Variants in SCN2B observed in about 807,000 individuals in gnomAD.
SCN2B encodes sodium voltage-gated channel beta subunit 2.
In SCN2B, 14 loss-of-function variants were observed where a neutral mutation model predicts 18.2. The ratio of observed to expected loss-of-function variants is 0.77; its 90% CI spans 0.51 to 1.21. The LOEUF is 1.21. Ranked by LOEUF, SCN2B falls within the 50% of genes most tolerant of loss-of-function variation. The probability of loss-of-function intolerance (pLI) is 0.00; values close to 1 mark genes in which losing one functional copy is unlikely to be tolerated. For missense variants in SCN2B, 262 were observed against 286.9 expected, an observed-to-expected ratio of 0.91 and a Z score of 0.63; for synonymous variants, 115 against 115.3, an observed-to-expected ratio of 1.00 and a Z score of 0.02.
chr11:118,176,364 A>G lies in SCN2B; in HGVS notation c.68T>C (p.Leu23Ser). Residue 23 changes from leucine to serine, a missense_variant and splice_region_variant, in exon 1 of 4, where the codon TTG (leucine) becomes TCG (serine). Coordinates refer to ENST00000278947, the MANE Select transcript of SCN2B (RefSeq NM_004588.5). Reference protein sequence around the residue: ...SLTGLSLFFSLVPPGRSMEVT... With the variant: ...SLTGLSLFFSSVPPGRSMEVT... The stretch of plus-strand genomic sequence containing the variant: ...GCATGCAGATGTGTCTAACTTACCC[A>G]AAGAGAAAAAGAGACTGAGCCCCGT... 1.9e-6 allele frequency: 3 copies of G among 1,613,720 alleles called. No individual in the cohort carries two copies. In the Middle Eastern group the frequency reaches 5.0e-4, roughly 266 times the overall value.
chr11:118,173,426 C>T (rs1565464626), intron 1 of SCN2B, among the ~76,000 whole-genome samples: 1 of 152,218 alleles, frequency 6.6e-6, no homozygotes, highest in Non-Finnish European at 1.5e-5. Context: ...CCCCATTGTC[C>T]TTGTCCTCAC....
chr11:118,168,925 G>A lies in SCN2B; in HGVS notation c.71-174C>T, dbSNP rs759915432. The stretch of plus-strand genomic sequence containing the variant: ...TGGGAGTTACTGTTATTTGCAACAG[G>A]GTCTCTGTTGCCCAAGCTGGAGTGC... On this transcript the variant is annotated intron_variant, in intron 1 of 3. Transcript: ENST00000278947. The surrounding 1 kb of genome is among the most constrained non-coding windows in gnomAD (Gnocchi z 4.7). Among the ~76,000 whole-genome samples, 1 of 152,132 alleles carries A rather than the reference G, an allele frequency of 6.6e-6. No individual in the cohort carries two copies.
chr11:118,165,384 C>G lies in SCN2B; in HGVS notation c.*1503G>C, dbSNP rs1337834461. The stretch of plus-strand genomic sequence containing the variant: ...GGTCTCAGAGTCAGTGTTTCTGCCT[C>G]TTGCTCCTTCTCTCAGGCCTAATCA... On this transcript the variant is annotated 3_prime_UTR_variant, in exon 4 of 4. Coordinates refer to ENST00000278947, the MANE Select transcript of SCN2B (RefSeq NM_004588.5). 6.6e-6 allele frequency: 1 copy of G among 152,190 alleles called. No individual in the cohort carries two copies. Among genetic ancestry groups the G allele is most frequent in the East Asian group, 1.9e-4 (1 of 5,184 alleles). 9.4% of individuals were successfully genotyped at this position (152,190 alleles called of 1,614,324 possible). A position where few individuals can be genotyped will look rare whatever the true frequency, so the allele number is the denominator to read the frequency against.
Position 118,164,002 on chromosome 11 carries a change from A to G in SCN2B, c.*2885T>C, listed in dbSNP as rs1948355232. On this transcript the variant is annotated 3_prime_UTR_variant, in exon 4 of 4. Coordinates refer to ENST00000278947, the MANE Select transcript of SCN2B (RefSeq NM_004588.5). ...TGAGGGCTGAGCACCTGGGACAGAG[A>G]TGGTTCCTGACCCAGCCCCATCTGC... The G allele has an allele frequency of 6.6e-6, 1 of 152,064 alleles. No homozygotes were observed. 9.4% of individuals were successfully genotyped at this position (152,064 alleles called of 1,614,324 possible).
In SCN2B at chr11:118,168,042, G is replaced by A; in HGVS notation, c.448+43C>T. The stretch of plus-strand genomic sequence containing the variant: ...AGCAAATGCCGCAGAGAGTAGGTGG[G>A]TGGGAAAGGTCAGGGCCCCGCAGCT... On this transcript the variant is annotated intron_variant, in intron 3 of 3. Coordinates refer to ENST00000278947, the MANE Select transcript of SCN2B (RefSeq NM_004588.5). The surrounding 1 kb of genome is among the most constrained non-coding windows in gnomAD (Gnocchi z 4.7). 6.5e-7 allele frequency: 1 copy of A among 1,542,096 alleles called. No homozygotes were observed. Among genetic ancestry groups the A allele is most frequent in the Non-Finnish European group, 8.9e-7 (1 of 1,122,640 alleles).
At chr11:118,167,187 T>C in intron 3 of SCN2B, 101 bp from the exon 4 acceptor site, 1 of 1,246,502 alleles carries the variant, frequency 8.0e-7, no homozygotes, top group Non-Finnish European at 1.1e-6. Flanking sequence ...GACTTTACTC[T>C]CCTCCACAGA....
intron 1 of SCN2B, among the ~76,000 whole-genome samples, chr11:118,173,206 T>G (rs1948443192): frequency 6.6e-6 from 1 of 152,164 alleles, no homozygotes; most frequent in Non-Finnish European, 1.5e-5. Context: ...CCTAGCCTCA[T>G]CCCCTGCCAG....
chr11:118,167,114 C>G (rs749074624), intron 3 of SCN2B, 28 bp from the exon 4 acceptor site: 1 of 1,602,750 alleles, frequency 6.2e-7, no homozygotes, highest in Non-Finnish European at 8.5e-7. Flanking sequence ...CCACTGAGCA[C>G]CAGGGCTGGG....
At chr11:118,169,045 G>A (rs987918608) in intron 1 of SCN2B, among the ~76,000 whole-genome samples, 2 of 152,148 alleles carry the variant, frequency 1.3e-5, no homozygotes, top group Admixed American at 6.5e-5. Flanking sequence ...ACAGGTGCAA[G>A]CCGCATGGAA....
chr11:118,169,652 G>A (rs766003782), intron 1 of SCN2B, among the ~76,000 whole-genome samples: 1 of 152,190 alleles, frequency 6.6e-6, no homozygotes, highest in Non-Finnish European at 1.5e-5. Flanking sequence ...TGATGGGTCT[G>A]CAGGGACAGG....
At chr11:118,167,754 G>A (rs924457512) in intron 3 of SCN2B, among the ~76,000 whole-genome samples, 1 of 152,108 alleles carries the variant, frequency 6.6e-6, no homozygotes, top group African/African-American at 2.4e-5. Context: ...ATGGAGTTTT[G>A]CCATGTTGCC....
chr11:118,171,185 C>G (rs77346787), intron 1 of SCN2B, among the ~76,000 whole-genome samples: 1 of 152,324 alleles, frequency 6.6e-6, no homozygotes, highest in African/African-American at 2.4e-5. Flanking sequence ...ACAGCTGTCA[C>G]CATCTGCGTT....
In SCN2B at chr11:118,166,963, A is replaced by G; in HGVS notation, c.572T>C (p.Leu191Pro). ...CTCGGTCTTCAGGTCATCTGTGCTC[A>G]GCTTCTGCTCTTTTTTTCTCCTCAC... The part of the protein sequence containing the change: ...KCVRRKKEQK[L>P]STDDLKTEEE... Residue 191 changes from leucine to proline, a missense_variant, in exon 4 of 4, where the codon CTG becomes CCG. Coordinates refer to ENST00000278947, the MANE Select transcript of SCN2B (RefSeq NM_004588.5). 6.2e-7 allele frequency: 1 copy of G among 1,614,142 alleles called. No homozygotes were observed. Among genetic ancestry groups the G allele is most frequent in the Non-Finnish European group, 8.5e-7 (1 of 1,180,024 alleles).
Position 118,166,676 on chromosome 11 carries a change from C to T in SCN2B, c.*211G>A, listed in dbSNP as rs182045375. On this transcript the variant is annotated 3_prime_UTR_variant, in exon 4 of 4. Transcript: ENST00000278947. ...TTCTCTCCTCTCCCCAGGGCCCACA[C>T]GTCCCAGAGCATGGCAGGTTTCTCG... 4.8e-5 allele frequency: 30 copies of T among 619,188 alleles called. No homozygotes were observed. The highest frequency in any genetic ancestry group is 1.4e-4 in the East Asian group (5 of 35,754). 38.4% of individuals were successfully genotyped at this position (619,188 alleles called of 1,614,324 possible). A position where few individuals can be genotyped will look rare whatever the true frequency, so the allele number is the denominator to read the frequency against.
chr11:118,167,020 A>G lies in SCN2B; in HGVS notation c.515T>C (p.Val172Ala), dbSNP rs746000229. 6.2e-7 allele frequency: 1 copy of G among 1,613,788 alleles called. No homozygotes were observed. The highest frequency in any genetic ancestry group is 8.5e-7 in the Non-Finnish European group (1 of 1,180,016). ...GACCACCATCAGCACCAAGATGACC[A>G]CAGCCAGGAAGCCCCCGACGGAGGC... ...VGASVGGFLA[V>A]VILVLMVVKC... is the part of the protein sequence containing the mutation. Residue 172 changes from valine to alanine, a missense_variant, in exon 4 of 4, where the codon GTG (valine) becomes GCG (alanine). Coordinates refer to ENST00000278947, the MANE Select transcript of SCN2B (RefSeq NM_004588.5).
At chr11:118,173,063 G>A (rs981384159) in intron 1 of SCN2B, among the ~76,000 whole-genome samples, 1 of 151,614 alleles carries the variant, frequency 6.6e-6, no homozygotes, top group Admixed American at 6.6e-5. Context: ...GTCCATCCCC[G>A]TGCAGCCAGG....
chr11:118,176,051 G>A (rs527240489), intron 1 of SCN2B, among the ~76,000 whole-genome samples: 8 of 152,282 alleles, frequency 5.3e-5, no homozygotes, highest in African/African-American at 1.9e-4. Flanking sequence ...TGAAGAGACT[G>A]CAGGTCAATC....
chr11:118,164,053 C>G lies in SCN2B; in HGVS notation c.*2834G>C, dbSNP rs1948355829. The G allele has an allele frequency of 3.3e-5, 5 of 152,110 alleles. No homozygotes were observed. The highest frequency in any genetic ancestry group is 3.3e-4 in the Admixed American group (5 of 15,274). 9.4% of individuals were successfully genotyped at this position (152,110 alleles called of 1,614,324 possible). Reference sequence around the variant, plus strand: ...TGGGGCCCTGAGGCCCGTGAAGAGACATTGCTTTTCCTGGGCCCCAGTTGA... The same window carrying G: ...TGGGGCCCTGAGGCCCGTGAAGAGAGATTGCTTTTCCTGGGCCCCAGTTGA... On this transcript the variant is annotated 3_prime_UTR_variant, in exon 4 of 4. Transcript: ENST00000278947.
chr11:118,170,952 A>G (rs1021154358), intron 1 of SCN2B, among the ~76,000 whole-genome samples: 3 of 151,046 alleles, frequency 2.0e-5, no homozygotes, highest in African/African-American at 7.3e-5. Context: ...CAGGGCTCCT[A>G]TTTTTCAAAC....
Sources: gnomAD v4.1 joint callset for allele counts (sites outside exome capture counted in the v4.1 genomes callset) on GRCh38, gnomAD v4.1.1 for gene constraint, Gnocchi (gnomAD v3.1) non-coding constraint, MANE v1.5 for transcripts, NCBI Gene and HGNC (gene_info 2026-07-23, HGNC 2026-07-21) for gene names.